DICER1: variants seen among roughly 807,000 people sequenced by gnomAD.
The protein encoded by DICER1 is endoribonuclease Dicer.
DICER1 carries 43 observed loss-of-function variants against 194.1 expected under a neutral mutation model. That is an observed-to-expected ratio of 0.22 (90% CI 0.17 to 0.29). The LOEUF is 0.29. Ranked by LOEUF, DICER1 falls within the 10% of genes least tolerant of loss-of-function variation. DICER1 has a pLI of 1.00. For synonymous variants in DICER1, 832 were observed against 820.5 expected (o/e 1.01, Z -0.24); for missense variants, 1,608 against 2,317.0 (o/e 0.69, Z 6.28).
At chr14:95,112,537 T>C (rs1477808609) in intron 12 of DICER1, among the ~76,000 whole-genome samples, 1 of 152,202 alleles carries the variant, frequency 6.6e-6, no homozygotes, top group Non-Finnish European at 1.5e-5. Context: ...TACTAATCAA[T>C]AAATATGTAA....
chr14:95,132,013 A>G (rs1029535933), intron 3 of DICER1, among the ~76,000 whole-genome samples: 2 of 152,208 alleles, frequency 1.3e-5, no homozygotes, highest in Admixed American at 6.5e-5. Flanking sequence ...TGACATGAAT[A>G]TATTAGTGCC....
In DICER1 at chr14:95,105,014, C is replaced by A. The variant is rs1161538542; in HGVS notation, c.3269+57G>T. 5.8e-5 allele frequency: 89 copies of A among 1,529,580 alleles called. 2 individuals are homozygous for A. In the South Asian group the frequency reaches 9.2e-4, roughly 16 times the overall value. 94.8% of individuals were successfully genotyped at this position (1,529,580 alleles called of 1,614,324 possible). On this transcript the variant is annotated intron_variant, in intron 20 of 26. Transcript: ENST00000343455. The surrounding 1 kb of genome is among the most constrained non-coding windows in gnomAD (Gnocchi z 4.9). Reference sequence around the variant, plus strand: ...TATACAATTTTAACTTAATTCTGTTCTTTTGCAAACAGGATCTCATGATCT... The same window carrying A: ...TATACAATTTTAACTTAATTCTGTTATTTTGCAAACAGGATCTCATGATCT...
In DICER1 at chr14:95,132,659, C is replaced by G. The variant is rs769164427; in HGVS notation, c.163G>C (p.Ala55Pro). ...CAGACGATGGTATTATGATCCAGAG[C>G]TGCTTCAAGCAGTTCAACCTAGAAA... Reference protein sequence around the residue: ...RKYQVELLEAALDHNTIVCLN... With the variant: ...RKYQVELLEAPLDHNTIVCLN... The change falls in exon 3 of 27, where the codon GCT (alanine) becomes CCT (proline). Residue 55 changes from alanine (A) to proline (P), a missense_variant. This residue lies in a region of DICER1 where 657 missense variants were observed against 910.1 expected (regional missense o/e 0.72). Coordinates refer to ENST00000343455, the MANE Select transcript of DICER1 (RefSeq NM_177438.3). 6.2e-7 allele frequency: 1 copy of G among 1,613,908 alleles called. No homozygotes were observed. Among genetic ancestry groups the G allele is most frequent in the Non-Finnish European group, 8.5e-7 (1 of 1,179,910 alleles).
At chr14:95,108,528 C>T (rs1405798280) in intron 14 of DICER1, 25 bp from the exon 15 acceptor site, 14 of 1,607,120 alleles carry the variant, frequency 8.7e-6, no homozygotes, top group African/African-American at 4.0e-5. Flanking sequence ...GAAAATTAAG[C>T]GTCATGCTCA....
At chr14:95,113,454 G>T (rs139229955) in intron 11 of DICER1, among the ~76,000 whole-genome samples, 2 of 152,358 alleles carry the variant, frequency 1.3e-5, no homozygotes, top group East Asian at 3.9e-4. Flanking sequence ...AGTGGCTGGT[G>T]AGCACTTGAA....
intron 1 of DICER1, among the ~76,000 whole-genome samples, chr14:95,143,163 T>TA (rs1367444985): frequency 3.3e-5 from 5 of 152,014 alleles, no homozygotes; most frequent in African/African-American, 1.2e-4. Flanking sequence ...CAGAGAAAAC[T>TA]AAAAAAATGT....
rs1595329305 is a variant in DICER1 at position 95,093,909 on chromosome 14, T to C, written c.5343A>G (p.Glu1781=). 1 of 1,614,114 alleles carries C rather than the reference T, an allele frequency of 6.2e-7. No individual in the cohort carries two copies. Among genetic ancestry groups the C allele is most frequent in the Non-Finnish European group, 8.5e-7 (1 of 1,180,006 alleles). The part of the protein sequence containing the change: ...DFVQFQLEKN[E]MQGMDSELRR... ...TAACCTCAGAATCCATTCCTTGCAT[T>C]TCATTCTTCTCAAGCTGAAACTGCA... Residue 1781 remains glutamate, a synonymous_variant, in exon 24 of 27, where the codon GAA becomes GAG. Transcript: ENST00000343455.
At position 95,093,879 on chromosome 14, in the gene DICER1, A is replaced by G; in HGVS notation, c.5364+9T>C. 2 of 1,614,150 alleles carry G rather than the reference A, an allele frequency of 1.2e-6. No individual in the cohort carries two copies. Among genetic ancestry groups the G allele is most frequent in the Non-Finnish European group, 1.7e-6 (2 of 1,179,992 alleles). On this transcript the variant is annotated intron_variant, in intron 24 of 26. Transcript: ENST00000343455. Reference sequence around the variant, plus strand: ...CACTTTTTTCAACATCGTTTTGAACAGCACTAACCTCAGAATCCATTCCTT... The same window carrying G: ...CACTTTTTTCAACATCGTTTTGAACGGCACTAACCTCAGAATCCATTCCTT...
chr14:95,131,658 C>T lies in DICER1; in HGVS notation c.308-19G>A, dbSNP rs1428174575. 1 of 1,611,522 alleles carries T rather than the reference C, an allele frequency of 6.2e-7. No individual in the cohort carries two copies. Among genetic ancestry groups the T allele is most frequent in the Non-Finnish European group, 8.5e-7 (1 of 1,177,786 alleles). ...TGGTTTGCTAATTACAAATATAATA[C>T]TCCATGTAAATATGAGAAATCTTGC... is the stretch of plus-strand genomic sequence containing the variant. On this transcript the variant is annotated intron_variant, in intron 3 of 26. Coordinates refer to ENST00000343455, the MANE Select transcript of DICER1 (RefSeq NM_177438.3).
chr14:95,133,194 AAATT>A (rs1894101020), intron 2 of DICER1, 117 bp downstream of exon 2: 4 of 981,986 alleles, frequency 4.1e-6, no homozygotes, highest in African/African-American at 1.6e-5. Flanking sequence ...TTAAATGAGA[AAATT>A]AATCAGAAGT....
At chr14:95,107,277 AG>A (rs1045801265) in intron 17 of DICER1, among the ~76,000 whole-genome samples, 1 of 148,242 alleles carries the variant, frequency 6.7e-6, no homozygotes, top group African/African-American at 2.5e-5. Context: ...TTTGAGACAG[AG>A]TCTTGGTGTG....
At chr14:95,093,454 A>G (rs1158430177) in intron 24 of DICER1, among the ~76,000 whole-genome samples, 1 of 152,252 alleles carries the variant, frequency 6.6e-6, no homozygotes, top group Non-Finnish European at 1.5e-5. Context: ...CACTTCAAGT[A>G]GAAGCAGAAT....
intron 11 of DICER1, among the ~76,000 whole-genome samples, chr14:95,113,844 G>A (rs987362549): frequency 9.9e-5 from 15 of 152,202 alleles, no homozygotes; most frequent in African/African-American, 2.4e-4. Flanking sequence ...GTGAGGTTGC[G>A]ACCTGTGCAG....
intron 11 of DICER1, 145 bp downstream of exon 11, chr14:95,115,522 A>C (rs1892356838): frequency 2.2e-6 from 2 of 912,658 alleles, no homozygotes; most frequent in African/African-American, 3.3e-5. Context: ...AAAATGAAAA[A>C]AGAAGTAACT....
chr14:95,101,403 G>C lies in DICER1; in HGVS notation c.4051-1468C>G, dbSNP rs186076522. The stretch of plus-strand genomic sequence containing the variant: ...GTCTAACAGAGTATCCTATCCTATT[G>C]CCTATGCCACACTTGTCCAAGCCTC... On this transcript the variant is annotated intron_variant, in intron 21 of 26. Transcript: ENST00000343455. 4.4e-4 allele frequency among the ~76,000 whole-genome samples: 67 copies of C among 152,220 alleles called. No individual in the cohort carries two copies. In the East Asian group the frequency reaches 0.012, roughly 27 times the overall value.
chr14:95,095,761 A>T (rs748414033), intron 23 of DICER1, 64 bp downstream of exon 23: 1 of 1,565,846 alleles, frequency 6.4e-7, no homozygotes, highest in Non-Finnish European at 8.8e-7. Context: ...TACAAGGCCA[A>T]CACGATGAGA....
chr14:95,096,603 T>C lies in DICER1; in HGVS notation c.4317A>G (p.Glu1439=). The C allele has an allele frequency of 6.2e-7, 1 of 1,611,830 alleles. No individual in the cohort carries two copies. The highest frequency in any genetic ancestry group is 8.5e-7 in the Non-Finnish European group (1 of 1,178,666). The change falls in exon 23 of 27, where the codon GAA becomes GAG. Residue 1439 remains glutamate (E), a synonymous_variant. Coordinates refer to ENST00000343455, the MANE Select transcript of DICER1 (RefSeq NM_177438.3). ...CCTGATCATACTCCAGGAAATCATC[T>C]TCATAGTCAGCCTCTTCCTTCGGAG... is the stretch of plus-strand genomic sequence containing the variant. ...WRAPKEEADY[E]DDFLEYDQEH...
intron 21 of DICER1, 116 bp downstream of exon 21, chr14:95,103,230 G>T (rs904116529): frequency 5.1e-6 from 6 of 1,171,066 alleles, no homozygotes; most frequent in Non-Finnish European, 7.6e-6. Flanking sequence ...GTGCTTGGCC[G>T]GTGTAGCAAT....
rs1891376762 is a variant in DICER1 at position 95,105,891 on chromosome 14, G to A, written c.2988-108C>T. ...GCTCATTTCAACTACAGCCTCTTGG[G>A]CTACCCCTTGGGCAAGTTTGTGTGC... On this transcript the variant is annotated intron_variant, in intron 18 of 26. Transcript: ENST00000343455. This position sits in a 1 kb window ranked among gnomAD's most constrained non-coding sequence, Gnocchi z 4.9. 1 of 1,387,998 alleles carries A rather than the reference G, an allele frequency of 7.2e-7. No individual in the cohort carries two copies. The highest frequency in any genetic ancestry group is 1.2e-5 in the South Asian group (1 of 85,762). 86.0% of individuals were successfully genotyped at this position (1,387,998 alleles called of 1,614,324 possible).
Sources: gnomAD v4.1 joint callset for allele counts (sites outside exome capture counted in the v4.1 genomes callset) on GRCh38, gnomAD v4.1.1 for gene constraint, gnomAD v4.1.1 regional missense constraint, Gnocchi (gnomAD v3.1) non-coding constraint, MANE v1.5 for transcripts, NCBI Gene and HGNC (gene_info 2026-07-23, HGNC 2026-07-21) for gene names.